Variants in TBK1 observed in about 807,000 individuals in gnomAD.
The protein encoded by TBK1 is serine/threonine-protein kinase TBK1.
In TBK1, 37 loss-of-function variants were observed where a neutral mutation model predicts 99.9. The ratio of observed to expected loss-of-function variants is 0.37; its 90% CI spans 0.28 to 0.49. The LOEUF is 0.49. TBK1 is among the 20% of genes least tolerant of loss of function. The pLI, the probability that TBK1 is intolerant of heterozygous loss-of-function variation, is 0.98. For missense variants in TBK1, 644 were observed against 872.5 expected, an observed-to-expected ratio of 0.74 and a Z score of 3.30; for synonymous variants, 258 against 279.8, an observed-to-expected ratio of 0.92 and a Z score of 0.78.
intron 2 of TBK1, among the ~76,000 whole-genome samples, chr12:64,456,325 G>A (rs895165320): frequency 1.3e-5 from 2 of 152,156 alleles, no homozygotes; most frequent in Non-Finnish European, 2.9e-5. Context: ...GGTTGGTAGG[G>A]AGGCAGATGT....
At chr12:64,471,663 G>A (rs557153062) in intron 5 of TBK1, among the ~76,000 whole-genome samples, 1 of 152,214 alleles carries the variant, frequency 6.6e-6, no homozygotes, top group East Asian at 1.9e-4. Flanking sequence ...CTCTTCTACT[G>A]TTTTTAATAT....
Position 64,486,122 on chromosome 12 carries a change from T to A in TBK1, c.1340+105T>A, listed in dbSNP as rs2040818002. On this transcript the variant is annotated intron_variant, in intron 11 of 20. Coordinates refer to ENST00000331710, the MANE Select transcript of TBK1 (RefSeq NM_013254.4). ...GTTAGGTTAGGTGCTTGATTTTTATTATAATACATTTGTTTCACATTTAGT... is the reference window on the plus strand; with the variant it reads ...GTTAGGTTAGGTGCTTGATTTTTATAATAATACATTTGTTTCACATTTAGT... The A allele has an allele frequency of 4.4e-6, 3 of 674,408 alleles. No individual in the cohort carries two copies. The South Asian group carries it at 7.4e-5, about 17-fold the overall frequency. The allele number at this position is 674,408 out of a possible 1,614,324, so 41.8% of individuals were successfully genotyped here.
chr12:64,460,301 T>C lies in TBK1; in HGVS notation c.200T>C (p.Ile67Thr), dbSNP rs1460417033. 7.0e-6 allele frequency: 11 copies of C among 1,571,420 alleles called. No homozygotes were observed. Among genetic ancestry groups the C allele is most frequent in the Non-Finnish European group, 8.6e-7 (1 of 1,156,720 alleles). The stretch of plus-strand genomic sequence containing the variant: ...TTGAAAAAACTCAATCACAAAAATA[T>C]TGTCAAATTATTTGCTATTGAAGAG... The part of the protein sequence containing the change: ...EVLKKLNHKN[I>T]VKLFAIEEET... Residue 67 changes from isoleucine to threonine, a missense_variant, in exon 3 of 21, where the codon ATT becomes ACT. This residue lies in a region of TBK1 where 148 missense variants were observed against 202.1 expected (regional missense o/e 0.73). Coordinates refer to ENST00000331710, the MANE Select transcript of TBK1 (RefSeq NM_013254.4).
At chr12:64,486,832 A>G (rs1228464647) in intron 11 of TBK1, among the ~76,000 whole-genome samples, 1 of 151,934 alleles carries the variant, frequency 6.6e-6, no homozygotes, top group African/African-American at 2.4e-5. Context: ...ATTTTAGAAC[A>G]TTTTCATCAC....
chr12:64,477,253 C>T (rs183026928), intron 6 of TBK1, among the ~76,000 whole-genome samples: 2 of 152,246 alleles, frequency 1.3e-5, no homozygotes, highest in Admixed American at 6.5e-5. Context: ...GATTGCTCTG[C>T]GCAGTATGGA....
chr12:64,498,152 C>A, intron 20 of TBK1, 113 bp downstream of exon 20: 1 of 846,102 alleles, frequency 1.2e-6, no homozygotes, highest in African/African-American at 1.8e-5. Context: ...GTCATAAAGT[C>A]AGAACTCATG....
chr12:64,469,618 C>T (rs1178712675), intron 5 of TBK1, among the ~76,000 whole-genome samples: 1 of 152,178 alleles, frequency 6.6e-6, no homozygotes, highest in East Asian at 1.9e-4. Context: ...CAGACATTCC[C>T]CTTGTCTTTT....
chr12:64,452,485 C>T (rs1031784715), intron 1 of TBK1: 2 of 152,278 alleles, frequency 1.3e-5, no homozygotes, highest in Non-Finnish European at 2.9e-5. Flanking sequence ...GGTCCTCGAC[C>T]TGCATCCCGT....
rs1432765959 is a variant in TBK1, at chr12:64,490,043, A to T, written c.1445A>T (p.Tyr482Phe). ...IRNIEKTVKV[Y>F]EKLMKINLEA... ...TTCTCTTTTGACTTTTCATACAGAT[A>T]TGAAAAGTTGATGAAGATCAACCTG... Residue 482 changes from tyrosine to phenylalanine, a missense_variant and splice_region_variant, in exon 13 of 21, where the codon TAT becomes TTT. Transcript: ENST00000331710. 1.2e-6 allele frequency: 2 copies of T among 1,606,474 alleles called. No homozygotes were observed. Among genetic ancestry groups the T allele is most frequent in the Non-Finnish European group, 1.7e-6 (2 of 1,175,918 alleles).
chr12:64,456,656 C>G (rs372785819), intron 2 of TBK1, among the ~76,000 whole-genome samples: 2 of 151,784 alleles, frequency 1.3e-5, no homozygotes, highest in East Asian at 1.9e-4. Flanking sequence ...CTGGCTAACA[C>G]GGTGAAACCC....
intron 2 of TBK1, among the ~76,000 whole-genome samples, chr12:64,459,608 G>C (rs953177165): frequency 1.3e-5 from 2 of 152,112 alleles, no homozygotes; most frequent in Non-Finnish European, 2.9e-5. Context: ...AGGGCAGCAG[G>C]GGCAGAAACC....
chr12:64,500,311 A>G (rs2040975960), intron 20 of TBK1, among the ~76,000 whole-genome samples: 1 of 152,024 alleles, frequency 6.6e-6, no homozygotes, highest in African/African-American at 2.4e-5. Flanking sequence ...ATCCTGTTCA[A>G]AGGTACCACC....
chr12:64,484,039 ACACACACACAG>A, intron 8 of TBK1: 1 of 226,852 alleles, frequency 4.4e-6, no homozygotes, highest in Non-Finnish European at 8.7e-6. Context: ...ACACACACAC[ACACACACACAG>A]AGGAAAGAAA....
intron 6 of TBK1, among the ~76,000 whole-genome samples, chr12:64,478,422 G>A (rs1307625088): frequency 6.6e-6 from 1 of 152,102 alleles, no homozygotes; most frequent in Admixed American, 6.5e-5. Flanking sequence ...CAAAGTGCTG[G>A]CATTACAGGC....
At position 64,465,242 on chromosome 12, in the gene TBK1, CAAAAAAA is replaced by C. The variant is rs57575805; in HGVS notation, c.358+795_358+801del. On this transcript the variant is annotated intron_variant, in intron 4 of 20. Coordinates refer to ENST00000331710, the MANE Select transcript of TBK1 (RefSeq NM_013254.4). ...CCTGGGCAACAAAGCAAGACTATCT[CAAAAAAA>C]AAAAAAAAAAAAAAACAAGTGTTGG... Among the ~76,000 whole-genome samples the C allele has an allele frequency of 1.4e-4, 8 of 57,914 alleles. No homozygotes were observed. In the Admixed American group the frequency reaches 1.6e-3, roughly 12 times the overall value. The allele number at this position is 57,914 out of a possible 152,430, so 38.0% of individuals were successfully genotyped here.
chr12:64,454,394 G>T (rs531717754), intron 1 of TBK1, among the ~76,000 whole-genome samples: 3 of 151,526 alleles, frequency 2.0e-5, no homozygotes, highest in Non-Finnish European at 4.4e-5. Flanking sequence ...TTACAGGCAT[G>T]CGCCACCACG....
At chr12:64,478,664 G>A (rs1227385365) in intron 6 of TBK1, among the ~76,000 whole-genome samples, 3 of 152,176 alleles carry the variant, frequency 2.0e-5, no homozygotes, top group African/African-American at 4.8e-5. Flanking sequence ...ACATATTTAT[G>A]GGAAGAAGAC....
chr12:64,467,367 G>A (rs1433079492), intron 5 of TBK1, among the ~76,000 whole-genome samples: 2 of 152,086 alleles, frequency 1.3e-5, no homozygotes, highest in African/African-American at 4.8e-5. Context: ...TGAGCAGTCA[G>A]CATATTACAA....
intron 12 of TBK1, 64 bp from the exon 13 acceptor site, chr12:64,489,977 A>G (rs2040853745): frequency 6.2e-6 from 6 of 972,154 alleles, no homozygotes; most frequent in Non-Finnish European, 9.0e-6. Context: ...TATTTATAAA[A>G]CATCTTTTTA....
Sources: gnomAD v4.1 joint callset for allele counts (sites outside exome capture counted in the v4.1 genomes callset) on GRCh38, gnomAD v4.1.1 for gene constraint, gnomAD v4.1.1 regional missense constraint, MANE v1.5 for transcripts, NCBI Gene and HGNC (gene_info 2026-07-23, HGNC 2026-07-21) for gene names.